VPS37A: variants seen among roughly 807,000 people sequenced by gnomAD.
VPS37A encodes the protein VPS37A subunit of ESCRT-I.
In VPS37A, 30 loss-of-function variants were observed where a neutral mutation model predicts 49.8. The ratio of observed to expected loss-of-function variants is 0.60; its 90% CI spans 0.45 to 0.82. The LOEUF (loss-of-function observed/expected upper bound fraction) is 0.82, where lower values mean the gene tolerates loss of function less well. Among genes scored for constraint, VPS37A ranks in the 40% least tolerant of loss-of-function variants. The pLI, the probability that VPS37A is intolerant of heterozygous loss-of-function variation, is 0.00. For synonymous variants in VPS37A, 195 were observed against 160.6 expected (o/e 1.21, Z -1.62); for missense variants, 593 against 464.4 (o/e 1.28, Z -2.55).
the VPS37A span, among the ~76,000 whole-genome samples, chr8:17,313,034 C>G: frequency 6.6e-6 from 1 of 152,172 alleles, no homozygotes; most frequent in Non-Finnish European, 1.5e-5. Context: ...TTCCTCCATC[C>G]AGGATTAAGC....
intron 4 of VPS37A, 140 bp downstream of exon 4, chr8:17,269,096 C>T (rs565152495): frequency 5.9e-5 from 36 of 611,456 alleles, no homozygotes; most frequent in Non-Finnish European, 9.9e-5. Context: ...CTTTCAGAGG[C>T]AACTGTTTTA....
the VPS37A span, among the ~76,000 whole-genome samples, chr8:17,327,983 G>T: frequency 1.2e-4 from 18 of 152,348 alleles, no homozygotes; most frequent in African/African-American, 4.3e-4. Flanking sequence ...CTTATGAAGT[G>T]TGGCAAAGAG....
At chr8:17,273,945 T>G (rs1457552727) in intron 4 of VPS37A, among the ~76,000 whole-genome samples, 3 of 152,210 alleles carry the variant, frequency 2.0e-5, no homozygotes, top group Non-Finnish European at 4.4e-5. Context: ...AAGTCCCTTA[T>G]CCTTTACACT....
rs1313536636 is a variant in VPS37A at position 17,297,977 on chromosome 8, AT to A, written c.*2994del. 2 of 152,096 alleles carry A rather than the reference AT, an allele frequency of 1.3e-5. No individual in the cohort carries two copies. Among genetic ancestry groups the A allele is most frequent in the Admixed American group, 1.3e-4 (2 of 15,272 alleles). 9.4% of individuals were successfully genotyped at this position (152,096 alleles called of 1,614,324 possible). ...AAAACTACATTTTAAAACATCAAATATTTATACTATTTGCTTTTCAAATAAA... is the reference window on the plus strand; with the variant it reads ...AAAACTACATTTTAAAACATCAAATATTATACTATTTGCTTTTCAAATAAA... On this transcript the variant is annotated 3_prime_UTR_variant, in exon 12 of 12. Transcript: ENST00000324849.
At chr8:17,258,224 C>G (rs537951691) in intron 1 of VPS37A, among the ~76,000 whole-genome samples, 1 of 152,244 alleles carries the variant, frequency 6.6e-6, no homozygotes, top group East Asian at 1.9e-4. Context: ...TTGTCTTATT[C>G]TAGATCTTAG....
chr8:17,268,209 T>C, intron 2 of VPS37A, 49 bp from the exon 3 acceptor site: 1 of 1,318,372 alleles, frequency 7.6e-7, no homozygotes, highest in Non-Finnish European at 1.1e-6. Context: ...CCATATAATG[T>C]ACCTTTGTTA....
At chr8:17,325,522 A>G in the VPS37A span, among the ~76,000 whole-genome samples, 2 of 152,178 alleles carry the variant, frequency 1.3e-5, no homozygotes, top group Non-Finnish European at 2.9e-5. Context: ...GTCTTTTAGA[A>G]TGGATCTGCT....
intron 1 of VPS37A, among the ~76,000 whole-genome samples, chr8:17,263,573 A>G (rs944822401): frequency 2.0e-5 from 3 of 152,212 alleles, no homozygotes; most frequent in African/African-American, 4.8e-5. Flanking sequence ...GAGAAAATGA[A>G]TTGGACATTT....
At chr8:17,271,295 G>A (rs1813962090) in intron 4 of VPS37A, among the ~76,000 whole-genome samples, 1 of 152,150 alleles carries the variant, frequency 6.6e-6, no homozygotes, top group African/African-American at 2.4e-5. Context: ...GACCCAAGAT[G>A]ACACAATTCC....
intron 9 of VPS37A, among the ~76,000 whole-genome samples, chr8:17,283,747 C>T (rs1255539997): frequency 6.6e-6 from 1 of 152,092 alleles, no homozygotes; most frequent in African/African-American, 2.4e-5. Context: ...ATTACTGTAA[C>T]TTTGTTAGTA....
the VPS37A span, chr8:17,311,712 T>G: frequency 6.3e-7 from 1 of 1,599,120 alleles, no homozygotes; most frequent in Non-Finnish European, 8.5e-7. Context: ...CAGCCAGGTT[T>G]GACTGTATAT....
intron 1 of VPS37A, 44 bp downstream of exon 1, chr8:17,247,413 G>T (rs775294932): frequency 6.6e-7 from 1 of 1,512,144 alleles, no homozygotes; most frequent in Non-Finnish European, 8.9e-7. Context: ...AGTAGGGTGG[G>T]AGGGCGGGCT....
At position 17,248,261 on chromosome 8, in the gene VPS37A, C is replaced by CCTTTTTTTTTTTTTT. The variant is rs772126223; in HGVS notation, c.125+892_125+893insCTTTTTTTTTTTTTT. 2.5e-5 allele frequency: 10 copies of CCTTTTTTTTTTTTTT among 397,350 alleles called. 5 individuals are homozygous for CCTTTTTTTTTTTTTT. Among genetic ancestry groups the CCTTTTTTTTTTTTTT allele is most frequent in the African/African-American group, 4.7e-5 (2 of 42,832 alleles). 24.6% of individuals were successfully genotyped at this position (397,350 alleles called of 1,614,324 possible). The stretch of plus-strand genomic sequence containing the variant: ...GACAACATTGTTAAGTCCCTAACCC[C>CCTTTTTTTTTTTTTT]TTTTTTTTTTTTTTTTTTTGCCGGG... On this transcript the variant is annotated intron_variant, in intron 1 of 11. Transcript: ENST00000324849.
At chr8:17,273,934 TAAGTCCC>T (rs1814255454) in intron 4 of VPS37A, among the ~76,000 whole-genome samples, 1 of 152,188 alleles carries the variant, frequency 6.6e-6, no homozygotes, top group African/African-American at 2.4e-5. Context: ...AACATAACTG[TAAGTCCC>T]TTATCCTTTA....
At chr8:17,300,351 T>TGTGA, downstream of VPS37A, 5 of 1,073,890 alleles carry the variant, frequency 4.7e-6, no homozygotes, top group Non-Finnish European at 6.5e-6. Flanking sequence ...CTCAGAGGGA[T>TGTGA]GTGAGTTCAA....
At chr8:17,306,638 T>C (rs1340865902), downstream of VPS37A, among the ~76,000 whole-genome samples, 2 of 152,184 alleles carry the variant, frequency 1.3e-5, no homozygotes, top group Non-Finnish European at 2.9e-5. Flanking sequence ...AAAGGATGTT[T>C]TGGTGTCATC....
intron 4 of VPS37A, among the ~76,000 whole-genome samples, chr8:17,271,353 C>T (rs920837678): frequency 6.6e-6 from 1 of 152,170 alleles, no homozygotes; most frequent in Non-Finnish European, 1.5e-5. Flanking sequence ...CGCCTGTAAT[C>T]CCAGCACTTT....
rs146526770 is a variant in VPS37A, at chr8:17,283,607, T to G, written c.970-866T>G. Among the ~76,000 whole-genome samples the G allele has an allele frequency of 3.2e-3, 485 of 152,330 alleles. 3 individuals carry two copies. Among genetic ancestry groups the G allele is most frequent in the African/African-American group, 0.011 (465 of 41,564 alleles). On this transcript the variant is annotated intron_variant, in intron 9 of 11. Transcript: ENST00000324849. ...TTTCCAGCACCATTTGTTGAAAAGA[T>G]TCCTTTCCCCATTAACTGGACTGGG...
At chr8:17,300,310 C>G (rs1040162411), downstream of VPS37A, 15 of 1,350,780 alleles carry the variant, frequency 1.1e-5, no homozygotes, top group Non-Finnish European at 1.4e-5. Flanking sequence ...TTTGTTACCT[C>G]CCACGTGGGT....
Sources: allele counts gnomAD v4.1 joint callset (sites outside exome capture counted in the v4.1 genomes callset), GRCh38; gene constraint gnomAD v4.1.1; transcripts MANE v1.5; gene names NCBI Gene and HGNC (gene_info 2026-07-23, HGNC 2026-07-21).